Variants in USP15 observed in about 807,000 individuals in gnomAD.
USP15 encodes the protein ubiquitin carboxyl-terminal hydrolase 15.
USP15 carries 18 observed loss-of-function variants against 127.1 expected under a neutral mutation model. The observed-to-expected ratio is 0.14, with a 90% confidence interval of 0.10 to 0.21. The LOEUF (loss-of-function observed/expected upper bound fraction) is 0.21, where lower values mean the gene tolerates loss of function less well. Among genes scored for constraint, USP15 ranks in the 10% least tolerant of loss-of-function variants. The pLI is 1.00. For synonymous variants in USP15, 364 were observed against 393.7 expected (o/e 0.92, Z 0.89); for missense variants, 805 against 1,159.9 (o/e 0.69, Z 4.44).
At chr12:62,348,490 A>G (rs758036646) in intron 6 of USP15, among the ~76,000 whole-genome samples, 3 of 152,196 alleles carry the variant, frequency 2.0e-5, no homozygotes, top group Non-Finnish European at 2.9e-5. Context: ...CCCCTTGCCT[A>G]GATGTTGCCT....
intron 6 of USP15, among the ~76,000 whole-genome samples, chr12:62,327,073 T>A (rs1406053879): frequency 2.0e-5 from 3 of 152,112 alleles, no homozygotes; most frequent in Non-Finnish European, 4.4e-5. Context: ...GAGGTTGCAG[T>A]GAGCTGAGAT....
chr12:62,378,233 G>A (rs1456013559), intron 8 of USP15, among the ~76,000 whole-genome samples: 1 of 151,938 alleles, frequency 6.6e-6, no homozygotes, highest in Non-Finnish European at 1.5e-5. Context: ...TGAACATATT[G>A]ACTCCTAATG....
Position 62,360,380 on chromosome 12 carries a change from A to G in USP15, c.915+4905A>G, listed in dbSNP as rs1354716728. Among the ~76,000 whole-genome samples the G allele has an allele frequency of 3.3e-5, 5 of 152,218 alleles. No homozygotes were observed. The South Asian group carries it at 6.2e-4, about 19-fold the overall frequency. On this transcript the variant is annotated intron_variant, in intron 8 of 21. Coordinates refer to ENST00000280377, the MANE Select transcript of USP15 (RefSeq NM_001252078.2). The stretch of plus-strand genomic sequence containing the variant: ...GGAAAAAACTTAATTTCAAAAATTT[A>G]GAAGAATGTTAAATAGAAAGTTTAA...
intron 6 of USP15, among the ~76,000 whole-genome samples, chr12:62,345,031 C>T (rs1302826039): frequency 2.0e-5 from 3 of 152,228 alleles, no homozygotes; most frequent in Non-Finnish European, 4.4e-5. Context: ...AGACATTTTC[C>T]CCATTGTCTT....
rs2068154298 is a variant in USP15, at chr12:62,416,363, A to T, written c.*11988A>T. 6.6e-6 allele frequency: 1 copy of T among 152,218 alleles called. No individual in the cohort carries two copies. The highest frequency in any genetic ancestry group is 2.4e-5 in the African/African-American group (1 of 41,466). The allele number at this position is 152,218 out of a possible 1,614,324, so 9.4% of individuals were successfully genotyped here. ...TGGCATAGTATTTGTTCCTAAATGTAAAAGTTATTAAACAAGTTTTCTGAA... is the reference window on the plus strand; with the variant it reads ...TGGCATAGTATTTGTTCCTAAATGTTAAAGTTATTAAACAAGTTTTCTGAA... On this transcript the variant is annotated 3_prime_UTR_variant, in exon 22 of 22. Transcript: ENST00000280377.
intron 6 of USP15, among the ~76,000 whole-genome samples, chr12:62,346,058 C>T (rs929401725): frequency 3.9e-5 from 6 of 152,072 alleles, no homozygotes; most frequent in Non-Finnish European, 7.4e-5. Flanking sequence ...CGTTTCCTAA[C>T]GTAAAAGAGA....
intron 4 of USP15, chr12:62,315,171 C>A: frequency 4.3e-6 from 1 of 235,152 alleles, no homozygotes; most frequent in Non-Finnish European, 8.0e-6. Context: ...TTTTATTTAG[C>A]AACTGGTGTG....
chr12:62,263,985 T>C (rs1027693853), intron 1 of USP15, among the ~76,000 whole-genome samples: 4 of 152,138 alleles, frequency 2.6e-5, no homozygotes, highest in Non-Finnish European at 5.9e-5. Context: ...TATAAAATAC[T>C]CTCTTTGGAA....
rs1000328702 is a variant in USP15, at chr12:62,409,194, G to A, written c.*4819G>A. ...GGTGCCATGGTTTAATTATTCCCCA[G>A]CTCTACTTTTGGGAGCCTGGAACTT... On this transcript the variant is annotated 3_prime_UTR_variant, in exon 22 of 22. Coordinates refer to ENST00000280377, the MANE Select transcript of USP15 (RefSeq NM_001252078.2). The A allele has an allele frequency of 6.6e-6, 1 of 152,148 alleles. No homozygotes were observed. Among genetic ancestry groups the A allele is most frequent in the Admixed American group, 6.5e-5 (1 of 15,270 alleles). The allele number at this position is 152,148 out of a possible 1,614,324, so 9.4% of individuals were successfully genotyped here.
At chr12:62,349,183 A>AT (rs778789177) in intron 6 of USP15, 38 bp from the exon 7 acceptor site, 19 of 1,232,368 alleles carry the variant, frequency 1.5e-5, no homozygotes, top group East Asian at 5.4e-5. Flanking sequence ...AAAATTCTTC[A>AT]TTTTTTTATC....
intron 14 of USP15, 61 bp from the exon 15 acceptor site, chr12:62,390,803 A>G: frequency 7.9e-7 from 1 of 1,266,044 alleles, no homozygotes; most frequent in South Asian, 1.4e-5. Context: ...TAGAAGGAAA[A>G]CTTTTTAAAA....
chr12:62,380,090 A>G (rs1169781222), intron 8 of USP15, among the ~76,000 whole-genome samples: 1 of 151,884 alleles, frequency 6.6e-6, no homozygotes, highest in Non-Finnish European at 1.5e-5. Context: ...TATATAGCTC[A>G]CTCCAAACAT....
chr12:62,271,109 A>G (rs1280866948), intron 1 of USP15, among the ~76,000 whole-genome samples: 1 of 152,102 alleles, frequency 6.6e-6, no homozygotes, highest in Non-Finnish European at 1.5e-5. Flanking sequence ...AAACACATTT[A>G]CAGTACCTGG....
At chr12:62,344,771 C>T (rs760071285) in intron 6 of USP15, among the ~76,000 whole-genome samples, 2 of 152,246 alleles carry the variant, frequency 1.3e-5, no homozygotes, top group African/African-American at 2.4e-5. Flanking sequence ...TTCTTGACTT[C>T]TGTACACACA....
chr12:62,320,627 A>T (rs951391831), intron 4 of USP15, among the ~76,000 whole-genome samples: 2 of 152,148 alleles, frequency 1.3e-5, no homozygotes, highest in African/African-American at 4.8e-5. Context: ...TAATGCCCTT[A>T]TCAAAACCTT....
In USP15 at chr12:62,307,574, G is replaced by A. The variant is rs563501435; in HGVS notation, c.348+4654G>A. On this transcript the variant is annotated intron_variant, in intron 3 of 21. Transcript: ENST00000280377. ...ACTACAGTAGTCCCCCTTATCTATG[G>A]TTTTGCTTTCCGCGATTTCAGTTAC... 2.2e-4 allele frequency among the ~76,000 whole-genome samples: 33 copies of A among 152,198 alleles called. 1 individual carries two copies. Among genetic ancestry groups the A allele is most frequent in the African/African-American group, 7.7e-4 (32 of 41,532 alleles).
At chr12:62,294,570 T>G in intron 2 of USP15, 1 of 236,770 alleles carries the variant, frequency 4.2e-6, no homozygotes, top group Middle Eastern at 1.4e-3. Context: ...ATTTCTTCAT[T>G]TAAAGATTTC....
Position 62,407,254 on chromosome 12 carries a change from A to G in USP15, c.*2879A>G, listed in dbSNP as rs1447929671. On this transcript the variant is annotated 3_prime_UTR_variant, in exon 22 of 22. Transcript: ENST00000280377. ...TTTTCATATGAAGAAACCAAGATACAAAGCATTTAAGTAATATTCCCAAGC... is the reference window on the plus strand; with the variant it reads ...TTTTCATATGAAGAAACCAAGATACGAAGCATTTAAGTAATATTCCCAAGC... 1 of 152,194 alleles carries G rather than the reference A, an allele frequency of 6.6e-6. No individual in the cohort carries two copies. The highest frequency in any genetic ancestry group is 1.5e-5 in the Non-Finnish European group (1 of 68,030). The allele number at this position is 152,194 out of a possible 1,614,324, so 9.4% of individuals were successfully genotyped here.
intron 4 of USP15, among the ~76,000 whole-genome samples, chr12:62,320,348 C>T (rs2064950384): frequency 6.6e-6 from 1 of 152,134 alleles, no homozygotes; most frequent in African/African-American, 2.4e-5. Flanking sequence ...GCTTGCTTCC[C>T]CTTCGCCTTC....
Sources: gnomAD v4.1 joint callset for allele counts (sites outside exome capture counted in the v4.1 genomes callset) on GRCh38, gnomAD v4.1.1 for gene constraint, MANE v1.5 for transcripts, NCBI Gene and HGNC (gene_info 2026-07-23, HGNC 2026-07-21) for gene names.